Variants in RABGAP1L observed in about 807,000 individuals in gnomAD.
RABGAP1L encodes RAB GTPase activating protein 1 like.
In RABGAP1L, 63 loss-of-function variants were observed where a neutral mutation model predicts 137.7. That is an observed-to-expected ratio of 0.46 (90% CI 0.37 to 0.56). The LOEUF (loss-of-function observed/expected upper bound fraction) is 0.56, where lower values mean the gene tolerates loss of function less well. Ranked by LOEUF, RABGAP1L falls within the 20% of genes least tolerant of loss-of-function variation. The pLI is 0.00. For missense variants in RABGAP1L, 1,095 were observed against 1,244.0 expected (o/e 0.88, Z 1.80); for synonymous variants, 431 against 433.7 (o/e 0.99, Z 0.08).
rs114907189 is a variant in RABGAP1L, at chr1:174,922,354, G to A, written c.2341-35103G>A. 700 of 196,870 alleles carry A rather than the reference G, an allele frequency of 3.6e-3. 7 individuals are homozygous for A. The highest frequency in any genetic ancestry group is 0.012 in the African/African-American group (530 of 43,210). 12.2% of individuals were successfully genotyped at this position (196,870 alleles called of 1,614,324 possible). A position where few individuals can be genotyped will look rare whatever the true frequency, so the allele number is the denominator to read the frequency against. On this transcript the variant is annotated intron_variant, in intron 19 of 25. Coordinates refer to ENST00000681986, the MANE Select transcript of RABGAP1L (RefSeq NM_001366446.1). Reference sequence around the variant, plus strand: ...TTAAAATGGCCTTGTCCTTGGGCACGCATCAGGCGCAGTTTATGCAGCAAA... The same window carrying A: ...TTAAAATGGCCTTGTCCTTGGGCACACATCAGGCGCAGTTTATGCAGCAAA...
intron 19 of RABGAP1L, among the ~76,000 whole-genome samples, chr1:174,848,432 G>C (rs1274390948): frequency 3.5e-5 from 5 of 144,736 alleles, no homozygotes; most frequent in Non-Finnish European, 7.5e-5. Flanking sequence ...CTGTTTGTTA[G>C]TTTTCCTTCT....
chr1:174,791,055 C>T (rs1687818367), intron 18 of RABGAP1L, among the ~76,000 whole-genome samples: 1 of 151,750 alleles, frequency 6.6e-6, no homozygotes, highest in South Asian at 2.1e-4. Context: ...GCCTGGCGTG[C>T]TGGCACGTGC....
At chr1:174,733,326 C>T (rs1398134931) in intron 17 of RABGAP1L, among the ~76,000 whole-genome samples, 3 of 152,208 alleles carry the variant, frequency 2.0e-5, no homozygotes, top group South Asian at 4.1e-4. Context: ...CAGCTTCATC[C>T]CTCACATGCA....
chr1:174,535,762 C>T (rs1664840515), intron 13 of RABGAP1L, among the ~76,000 whole-genome samples: 1 of 152,052 alleles, frequency 6.6e-6, no homozygotes, highest in African/African-American at 2.4e-5. Flanking sequence ...ATGAAAAATG[C>T]ACTGACAACA....
chr1:174,928,021 A>C (rs1379631053), intron 19 of RABGAP1L, among the ~76,000 whole-genome samples: 1 of 152,106 alleles, frequency 6.6e-6, no homozygotes, highest in East Asian at 1.9e-4. Context: ...TGATTCCCTA[A>C]TCTGTAGCCT....
At chr1:174,231,467 G>T in intron 4 of RABGAP1L, 112 bp downstream of exon 4, 1 of 964,150 alleles carries the variant, frequency 1.0e-6, no homozygotes. Context: ...CTGTAGACAT[G>T]CAGAGTAAAC....
At chr1:174,792,572 T>C (rs1197632596) in intron 18 of RABGAP1L, among the ~76,000 whole-genome samples, 1 of 152,210 alleles carries the variant, frequency 6.6e-6, no homozygotes, top group East Asian at 1.9e-4. Flanking sequence ...GAGGAAATTT[T>C]TAGAGATGAT....
At chr1:174,181,138 A>G (rs1450620583) in intron 1 of RABGAP1L, among the ~76,000 whole-genome samples, 2 of 152,216 alleles carry the variant, frequency 1.3e-5, no homozygotes, top group East Asian at 1.9e-4. Flanking sequence ...TAGGATGTAT[A>G]TAGGTTATAT....
intron 13 of RABGAP1L, among the ~76,000 whole-genome samples, chr1:174,514,605 A>G (rs1662648473): frequency 6.6e-6 from 1 of 152,224 alleles, no homozygotes; most frequent in South Asian, 2.1e-4. Context: ...TTACAGTCCC[A>G]GGAGCCTCAG....
Position 174,969,528 on chromosome 1 carries a change from G to T in RABGAP1L, c.2544+141G>T, listed in dbSNP as rs1282048891. 3.4e-5 allele frequency: 22 copies of T among 656,246 alleles called. No individual in the cohort carries two copies. In the East Asian group the frequency reaches 6.0e-4, roughly 18 times the overall value. The allele number at this position is 656,246 out of a possible 1,614,324, so 40.7% of individuals were successfully genotyped here. Reference sequence around the variant, plus strand: ...TGGCAGGGACAGTCTGTTAATTGGAGACCATGGAAAACATAAGCCTTTGAG... The same window carrying T: ...TGGCAGGGACAGTCTGTTAATTGGATACCATGGAAAACATAAGCCTTTGAG... On this transcript the variant is annotated intron_variant, in intron 21 of 25. Coordinates refer to ENST00000681986, the MANE Select transcript of RABGAP1L (RefSeq NM_001366446.1).
chr1:174,672,067 A>G (rs184221274), intron 14 of RABGAP1L, among the ~76,000 whole-genome samples: 17 of 152,234 alleles, frequency 1.1e-4, no homozygotes, highest in African/African-American at 3.8e-4. Context: ...GATCAGTTGC[A>G]TATGTACACA....
At chr1:174,306,381 A>G (rs1346679505) in intron 11 of RABGAP1L, among the ~76,000 whole-genome samples, 1 of 152,196 alleles carries the variant, frequency 6.6e-6, no homozygotes, top group Non-Finnish European at 1.5e-5. Flanking sequence ...AGTGCCACCA[A>G]CAGTGTAAAA....
chr1:174,469,010 G>T (rs1267270576), intron 13 of RABGAP1L, among the ~76,000 whole-genome samples: 1 of 152,164 alleles, frequency 6.6e-6, no homozygotes, highest in East Asian at 1.9e-4. Flanking sequence ...TGAATTTCTA[G>T]ATGCCATTAG....
intron 13 of RABGAP1L, among the ~76,000 whole-genome samples, chr1:174,551,021 T>TATATATATATATATATATATATAC (rs1553330343): frequency 1.6e-5 from 2 of 122,816 alleles, no homozygotes; most frequent in African/African-American, 7.6e-5. Flanking sequence ...TATATATATA[T>TATATATATATATATATATATATAC]ACATACACAC....
intron 13 of RABGAP1L, among the ~76,000 whole-genome samples, chr1:174,498,536 C>T (rs1238854723): frequency 1.3e-5 from 2 of 151,314 alleles, no homozygotes; most frequent in African/African-American, 2.4e-5. Context: ...GCTTTGTTGC[C>T]CAGGCTGGAG....
rs893354805 is a variant in RABGAP1L, at chr1:174,294,671, A to T, written c.1324-10315A>T. Among the ~76,000 whole-genome samples the T allele has an allele frequency of 2.0e-5, 3 of 152,192 alleles. No homozygotes were observed. The East Asian group carries it at 5.8e-4, about 29-fold the overall frequency. On this transcript the variant is annotated intron_variant, in intron 10 of 25. Coordinates refer to ENST00000681986, the MANE Select transcript of RABGAP1L (RefSeq NM_001366446.1). ...AAGTAAGAAGGCTATTGTGGCCAAG[A>T]TAAGAAATGATGATAGCCTCAAGAA...
At chr1:174,627,735 T>C (rs1673027147) in intron 13 of RABGAP1L, among the ~76,000 whole-genome samples, 1 of 152,210 alleles carries the variant, frequency 6.6e-6, no homozygotes, top group Non-Finnish European at 1.5e-5. Flanking sequence ...GTGATGATAA[T>C]GTCAAGGGCA....
chr1:174,520,937 T>G (rs916399885), intron 13 of RABGAP1L, among the ~76,000 whole-genome samples: 19 of 152,094 alleles, frequency 1.2e-4, no homozygotes, highest in Non-Finnish European at 2.6e-4. Context: ...GGAGGCGCAG[T>G]TTGCCGTGAG....
chr1:174,767,875 G>A (rs1468131161), intron 18 of RABGAP1L, among the ~76,000 whole-genome samples: 3 of 152,130 alleles, frequency 2.0e-5, no homozygotes, highest in African/African-American at 4.8e-5. Context: ...GAAGGTGAAA[G>A]GCACATCTCA....
Sources: allele counts gnomAD v4.1 joint callset (sites outside exome capture counted in the v4.1 genomes callset), GRCh38; gene constraint gnomAD v4.1.1; transcripts MANE v1.5; gene names NCBI Gene and HGNC (gene_info 2026-07-23, HGNC 2026-07-21).